The following CELF2 variants were observed in gnomAD, a reference collection of about 807,000 sequenced individuals.
CELF2 encodes CUG triplet repeat RNA-binding protein 2.
A neutral mutation model predicts 62.6 loss-of-function variants in CELF2; 8 were observed. The ratio of observed to expected loss-of-function variants is 0.13; its 90% CI spans 0.07 to 0.23. The LOEUF (loss-of-function observed/expected upper bound fraction) is 0.23. CELF2 is among the 10% of genes least tolerant of loss of function. The pLI is 1.00. For synonymous variants in CELF2, 258 were observed against 250.0 expected, an observed-to-expected ratio of 1.03 and a Z score of -0.30; for missense variants, 333 against 671.0, an observed-to-expected ratio of 0.50 and a Z score of 5.56.
chr10:11,218,851 T>TA (rs757566724), intron 3 of CELF2, among the ~76,000 whole-genome samples: 6 of 152,220 alleles, frequency 3.9e-5, no homozygotes, highest in African/African-American at 1.2e-4. Context: ...GACTTTTTTT[T>TA]AACACAGATT....
At chr10:11,005,248 G>T, upstream of CELF2, 1 of 1,454,628 alleles carries the variant, frequency 6.9e-7, no homozygotes, top group Non-Finnish European at 8.9e-7. The surrounding 1 kb of genome is among the most constrained non-coding windows in gnomAD (Gnocchi z 4.3). Context: ...GGAAGACAGA[G>T]AGAGAGGGAG....
rs2075971987 is a variant in CELF2, at chr10:11,247,538, C to A, written c.355-1615C>A. Among the ~76,000 whole-genome samples, 1 of 152,192 alleles carries A rather than the reference C, an allele frequency of 6.6e-6. No homozygotes were observed. Among genetic ancestry groups the A allele is most frequent in the Non-Finnish European group, 1.5e-5 (1 of 68,022 alleles). On this transcript the variant is annotated intron_variant, in intron 3 of 12. Transcript: ENST00000633077. This position sits in a 1 kb window ranked among gnomAD's most constrained non-coding sequence, Gnocchi z 5.4. ...ACATGCTTGCCAGGGTGCTTACCGG[C>A]TGAGGGCTCAGTGTCTCTCCTGCCC... is the stretch of plus-strand genomic sequence containing the variant.
intron 2 of CELF2, among the ~76,000 whole-genome samples, chr10:11,185,263 C>A (rs936977967): frequency 1.3e-5 from 2 of 152,106 alleles, no homozygotes; most frequent in African/African-American, 4.8e-5. Context: ...CAGCCTCGAA[C>A]TCCTGGGCTC....
the CELF2 span, among the ~76,000 whole-genome samples, chr10:10,780,373 G>A: frequency 6.6e-6 from 1 of 152,124 alleles, no homozygotes; most frequent in African/African-American, 2.4e-5. Flanking sequence ...GCTTCTTGGT[G>A]TTGCCAGATT....
chr10:10,530,600 A>G, the CELF2 span, among the ~76,000 whole-genome samples: 239 of 152,300 alleles, frequency 1.6e-3, 2 homozygotes, highest in African/African-American at 5.6e-3. Context: ...ATATACACAT[A>G]CAATCCAAGG....
At chr10:10,600,718 G>A in the CELF2 span, among the ~76,000 whole-genome samples, 1 of 152,206 alleles carries the variant, frequency 6.6e-6, no homozygotes, top group Non-Finnish European at 1.5e-5. Context: ...GTTTGTTAAA[G>A]ACACGGATCC....
chr10:10,580,951 T>C, the CELF2 span, among the ~76,000 whole-genome samples: 1 of 152,228 alleles, frequency 6.6e-6, no homozygotes, highest in African/African-American at 2.4e-5. Flanking sequence ...TATAAATTTC[T>C]CTTTCTTGTC....
At chr10:11,086,060 A>G (rs1477529236) in intron 1 of CELF2, among the ~76,000 whole-genome samples, 3 of 152,196 alleles carry the variant, frequency 2.0e-5, no homozygotes. Context: ...TTGCCAAATA[A>G]CAATTTGCAA....
intron 1 of CELF2, among the ~76,000 whole-genome samples, chr10:11,018,444 G>T (rs2137865046): frequency 6.6e-6 from 1 of 151,102 alleles, no homozygotes; most frequent in South Asian, 2.1e-4. Context: ...GAGGACCAGC[G>T]GGCCGAGCGC....
the CELF2 span, among the ~76,000 whole-genome samples, chr10:10,733,021 C>T: frequency 6.6e-6 from 1 of 152,160 alleles, no homozygotes; most frequent in Non-Finnish European, 1.5e-5. Context: ...ATGGGCTTAG[C>T]ATGGAGTACC....
At chr10:10,906,577 GAGAC>G (rs1485496417) in intron 1 of CELF2, among the ~76,000 whole-genome samples, 1 of 152,134 alleles carries the variant, frequency 6.6e-6, no homozygotes, top group Middle Eastern at 3.2e-3. Flanking sequence ...ACTAAACTAA[GAGAC>G]AGACCTGTCA....
At chr10:10,946,514 C>T (rs1037810536) in intron 2 of CELF2, 1 of 152,572 alleles carries the variant, frequency 6.6e-6, no homozygotes, top group Non-Finnish European at 1.5e-5. Flanking sequence ...AAACTTACCC[C>T]TTTTCTTTCC....
the CELF2 span, among the ~76,000 whole-genome samples, chr10:10,766,286 G>C: frequency 2.6e-5 from 4 of 152,192 alleles, no homozygotes; most frequent in Non-Finnish European, 4.4e-5. Flanking sequence ...CAGACCAGCT[G>C]TTCTGGGTGA....
chr10:11,299,399 G>T (rs1205735422), intron 9 of CELF2, among the ~76,000 whole-genome samples: 1 of 152,158 alleles, frequency 6.6e-6, no homozygotes, highest in Non-Finnish European at 1.5e-5. Flanking sequence ...GGGTCATGTT[G>T]CCCAGAGGAA....
the CELF2 span, among the ~76,000 whole-genome samples, chr10:10,606,358 G>A: frequency 9.9e-5 from 15 of 152,084 alleles, no homozygotes; most frequent in Non-Finnish European, 1.9e-4. Flanking sequence ...AATCTTAATC[G>A]CAGTCCTGAA....
chr10:10,693,429 T>C, the CELF2 span, among the ~76,000 whole-genome samples: 14 of 149,970 alleles, frequency 9.3e-5, no homozygotes, highest in African/African-American at 3.2e-4. Flanking sequence ...TTATTGAGGA[T>C]TTTTGCATCA....
chr10:10,899,370 T>C (rs944823069), intron 1 of CELF2, among the ~76,000 whole-genome samples: 1 of 151,896 alleles, frequency 6.6e-6, no homozygotes, highest in Admixed American at 6.6e-5. Context: ...ATATAGAAAA[T>C]GAAAGAGGTG....
chr10:11,112,385 T>G (rs1047903344), intron 1 of CELF2, among the ~76,000 whole-genome samples: 1 of 152,224 alleles, frequency 6.6e-6, no homozygotes, highest in African/African-American at 2.4e-5. Flanking sequence ...AGTCAGAAAC[T>G]GCAGGAGTTA....
chr10:10,950,655 CT>C (rs1459799962), intron 2 of CELF2, among the ~76,000 whole-genome samples: 1 of 152,118 alleles, frequency 6.6e-6, no homozygotes, highest in Non-Finnish European at 1.5e-5. Context: ...CTGCTGCCCT[CT>C]TTTGGAAATT....
Sources: gnomAD v4.1 joint callset for allele counts (sites outside exome capture counted in the v4.1 genomes callset) on GRCh38, gnomAD v4.1.1 for gene constraint, Gnocchi (gnomAD v3.1) non-coding constraint, MANE v1.5 for transcripts, NCBI Gene and HGNC (gene_info 2026-07-23, HGNC 2026-07-21) for gene names.